RBFOX1: variants seen among roughly 807,000 people sequenced by gnomAD.
RBFOX1 encodes the protein RNA binding fox-1 homolog 1, also known as RNA binding protein fox-1 homolog 1.
A neutral mutation model predicts 57.7 loss-of-function variants in RBFOX1; 8 were observed. The ratio of observed to expected loss-of-function variants is 0.14; its 90% CI spans 0.08 to 0.25. The LOEUF is 0.25. RBFOX1 is among the 10% of genes least tolerant of loss of function. The probability of loss-of-function intolerance (pLI) is 1.00; values close to 1 mark genes in which losing one functional copy is unlikely to be tolerated. For missense variants in RBFOX1, 611 were observed against 548.5 expected (o/e 1.11, Z -1.14); for synonymous variants, 326 against 222.4 (o/e 1.47, Z -4.15).
At chr16:6,099,508 T>G (rs1239871847) in intron 1 of RBFOX1, among the ~76,000 whole-genome samples, 2 of 152,174 alleles carry the variant, frequency 1.3e-5, no homozygotes, top group African/African-American at 4.8e-5. Context: ...TGCTGATTGC[T>G]GATTGCCAGG....
intron 3 of RBFOX1, among the ~76,000 whole-genome samples, chr16:6,844,494 C>G (rs898702591): frequency 2.0e-5 from 3 of 152,124 alleles, no homozygotes; most frequent in Non-Finnish European, 2.9e-5. Context: ...CCATCTATGT[C>G]TCTGCAGAAG....
chr16:7,320,986 A>G (rs780510034), intron 4 of RBFOX1, among the ~76,000 whole-genome samples: 13 of 152,194 alleles, frequency 8.5e-5, no homozygotes, highest in Non-Finnish European at 1.8e-4. Flanking sequence ...TTCCTGATCA[A>G]TATGATACAT....
intron 4 of RBFOX1, among the ~76,000 whole-genome samples, chr16:7,279,110 T>A (rs960031717): frequency 1.3e-5 from 2 of 151,248 alleles, no homozygotes; most frequent in East Asian, 3.9e-4. Context: ...TTAATGTACA[T>A]TTTCTCTTTC....
chr16:7,241,339 C>G (rs2094047637), intron 4 of RBFOX1, among the ~76,000 whole-genome samples: 1 of 152,104 alleles, frequency 6.6e-6, no homozygotes, highest in African/African-American at 2.4e-5. Context: ...AGGTCACCTC[C>G]TGGCCCGTTG....
rs148256779 is a variant in RBFOX1, at chr16:6,134,037, A to G, written c.-127+114045A>G. Among the ~76,000 whole-genome samples the G allele has an allele frequency of 8.8e-3, 1,338 of 151,942 alleles. 22 individuals carry two copies. Among genetic ancestry groups the G allele is most frequent in the African/African-American group, 0.03 (1,240 of 41,428 alleles). On this transcript the variant is annotated intron_variant, in intron 1 of 15. Coordinates refer to ENST00000550418, the MANE Select transcript of RBFOX1 (RefSeq NM_018723.4). ...GTGCAACCTCTGCCTCCTGGGTTCAAGTGATTCTCCTGCCTCAGCCCCCCA... is the reference window on the plus strand; with the variant it reads ...GTGCAACCTCTGCCTCCTGGGTTCAGGTGATTCTCCTGCCTCAGCCCCCCA...
intron 1 of RBFOX1, among the ~76,000 whole-genome samples, chr16:5,466,103 C>A (rs1003727467): frequency 1.3e-5 from 2 of 152,178 alleles, no homozygotes; most frequent in African/African-American, 4.8e-5. Flanking sequence ...GTATCTTCTC[C>A]CACTTTAGGT....
chr16:6,365,773 C>G (rs886192781), intron 2 of RBFOX1, among the ~76,000 whole-genome samples: 1 of 152,168 alleles, frequency 6.6e-6, no homozygotes, highest in African/African-American at 2.4e-5. Context: ...AGATGGTTAA[C>G]CTCAGTATCC....
chr16:5,428,631 C>G (rs1026951093), intron 1 of RBFOX1, among the ~76,000 whole-genome samples: 6 of 151,994 alleles, frequency 3.9e-5, no homozygotes, highest in Admixed American at 6.6e-5. Flanking sequence ...GGGAAGGCTT[C>G]TTGGAGGAGG....
chr16:6,807,714 G>A (rs1404295491), intron 3 of RBFOX1, among the ~76,000 whole-genome samples: 1 of 152,076 alleles, frequency 6.6e-6, no homozygotes, highest in Non-Finnish European at 1.5e-5. Context: ...TACTCGGGAG[G>A]CTAAGGCAGA....
chr16:7,486,900 AT>A (rs760224849), intron 4 of RBFOX1, among the ~76,000 whole-genome samples: 8 of 152,040 alleles, frequency 5.3e-5, no homozygotes, highest in East Asian at 1.9e-4. Context: ...ACTTCAAGGC[AT>A]TTGTTTTTGT....
At chr16:6,841,259 C>G (rs1243283073) in intron 3 of RBFOX1, among the ~76,000 whole-genome samples, 5 of 152,184 alleles carry the variant, frequency 3.3e-5, no homozygotes, top group African/African-American at 1.2e-4. Context: ...TACTCAGGTT[C>G]TTTTGAGAAT....
At chr16:6,718,059 A>T (rs2065189014) in intron 3 of RBFOX1, among the ~76,000 whole-genome samples, 1 of 152,238 alleles carries the variant, frequency 6.6e-6, no homozygotes, top group African/African-American at 2.4e-5. Context: ...AAACAGGTGC[A>T]TTTCTTTGTC....
chr16:7,701,602 C>T (rs948288844), intron 14 of RBFOX1, among the ~76,000 whole-genome samples: 5 of 152,154 alleles, frequency 3.3e-5, no homozygotes, highest in African/African-American at 9.7e-5. Flanking sequence ...GGGACTTCTC[C>T]TCTAGGTGTT....
intron 3 of RBFOX1, among the ~76,000 whole-genome samples, chr16:6,988,364 G>A (rs999899054): frequency 1.3e-5 from 2 of 152,096 alleles, no homozygotes; most frequent in East Asian, 3.9e-4. Flanking sequence ...AGTAGCTACT[G>A]TTTACTTATG....
intron 1 of RBFOX1, among the ~76,000 whole-genome samples, chr16:6,121,560 C>A (rs561796051): frequency 6.6e-6 from 1 of 152,184 alleles, no homozygotes; most frequent in Non-Finnish European, 1.5e-5. Flanking sequence ...CTGTGTCACT[C>A]CATTTGCTTG....
chr16:5,418,287 G>T (rs1407526182), intron 1 of RBFOX1, among the ~76,000 whole-genome samples: 1 of 151,788 alleles, frequency 6.6e-6, no homozygotes, highest in Non-Finnish European at 1.5e-5. Flanking sequence ...AAGGCAGCTG[G>T]GGATAGAGTA....
Position 7,653,854 on chromosome 16 carries a change from C to T in RBFOX1, c.797C>T (p.Ala266Val), listed in dbSNP as rs1170774016. 1.4e-5 allele frequency: 22 copies of T among 1,606,372 alleles called. No homozygotes were observed. The highest frequency in any genetic ancestry group is 1.8e-5 in the Non-Finnish European group (21 of 1,179,588). Residue 266 changes from alanine (A) to valine (V), a missense_variant, in exon 12 of 16, where the codon GCC becomes GTC. Ala to Val is a moderately conservative substitution (Grantham distance 64). Around this residue, in one of 3 missense-constraint regions of RBFOX1, gnomAD observed 267 missense variants for 229.1 expected, o/e 1.17. Coordinates refer to ENST00000550418, the MANE Select transcript of RBFOX1 (RefSeq NM_018723.4). ...TATCCAGCAGCCACCGCCGCGGCCG[C>T]CTACCGAGGGGCGCACCTGCGAGGC... ...FPYPAATAAAAYRGAHLRGRG... is the reference protein window; with the variant it reads ...FPYPAATAAAVYRGAHLRGRG...
chr16:5,641,152 C>G (rs764993828), intron 3 of RBFOX1, among the ~76,000 whole-genome samples: 1 of 151,474 alleles, frequency 6.6e-6, no homozygotes, highest in Non-Finnish European at 1.5e-5. Flanking sequence ...AATACACACA[C>G]ATGCATGTAC....
At chr16:7,663,728 T>C (rs1452425147) in intron 12 of RBFOX1, among the ~76,000 whole-genome samples, 2 of 152,112 alleles carry the variant, frequency 1.3e-5, no homozygotes, top group African/African-American at 2.4e-5. Context: ...TCGGGGAAGA[T>C]TGTAAATAAC....
Sources: allele counts gnomAD v4.1 joint callset (sites outside exome capture counted in the v4.1 genomes callset), GRCh38; gene constraint gnomAD v4.1.1; regional missense constraint gnomAD v4.1.1; transcripts MANE v1.5; gene names NCBI Gene and HGNC (gene_info 2026-07-23, HGNC 2026-07-21).